Variants in CADM4 observed in about 807,000 individuals in gnomAD.
CADM4 encodes cell adhesion molecule 4.
Under a neutral mutation model 43.9 loss-of-function variants are expected in CADM4, and 13 were observed. The observed-to-expected ratio is 0.30, with a 90% CI of 0.19 to 0.47. The LOEUF is 0.47. CADM4 is among the 20% of genes least tolerant of loss of function. CADM4 has a pLI of 1.00. For missense variants in CADM4, 420 were observed against 527.0 expected (o/e 0.80, Z 1.99); for synonymous variants, 209 against 220.9 (o/e 0.95, Z 0.48).
At chr19:43,628,434 CA>C (rs35900635) in intron 1 of CADM4, among the ~76,000 whole-genome samples, 56 of 134,488 alleles carry the variant, frequency 4.2e-4, no homozygotes, top group Non-Finnish European at 3.2e-4. Context: ...GACTCTGTCT[CA>C]AAAAAAAAAA....
chr19:43,622,464 T>A lies in CADM4; in HGVS notation c.*866A>T, dbSNP rs1287224053. 2 of 152,196 alleles carry A rather than the reference T, an allele frequency of 1.3e-5. No homozygotes were observed. The highest frequency in any genetic ancestry group is 2.4e-5 in the African/African-American group (1 of 41,406). The allele number at this position is 152,196 out of a possible 1,614,324, so 9.4% of individuals were successfully genotyped here. A position where few individuals can be genotyped will look rare whatever the true frequency, so the allele number is the denominator to read the frequency against. On this transcript the variant is annotated 3_prime_UTR_variant, in exon 9 of 9. Coordinates refer to ENST00000222374, the MANE Select transcript of CADM4 (RefSeq NM_145296.2). ...TACAAAATGTGTGTGTGGTTTTTTG[T>A]TTTTTGTTTTTTGTTTTTTAACAAG...
At chr19:43,629,269 T>C (rs967622557) in intron 1 of CADM4, among the ~76,000 whole-genome samples, 7 of 152,014 alleles carry the variant, frequency 4.6e-5, no homozygotes, top group Non-Finnish European at 1.5e-5. Flanking sequence ...TAACTGACTG[T>C]CCCCCATGAC....
At chr19:43,635,092 G>A (rs903222828) in intron 1 of CADM4, among the ~76,000 whole-genome samples, 2 of 149,216 alleles carry the variant, frequency 1.3e-5, no homozygotes, top group African/African-American at 4.9e-5. Flanking sequence ...AGGAGCCAGG[G>A]GTCCAGAGTA....
Position 43,627,261 on chromosome 19 carries a change from C to T in CADM4, c.269G>A (p.Arg90Gln), listed in dbSNP as rs146550315. Reference protein sequence around the residue: ...EEFSPRRVRIRLSDARLEDEG... With the variant: ...EEFSPRRVRIQLSDARLEDEG... Reference sequence around the variant, plus strand: ...GTCCTCCAGGCGGGCATCTGAGAGCCGGATCCGCACCCGGCGTGGGGAGAA... The same window carrying T: ...GTCCTCCAGGCGGGCATCTGAGAGCTGGATCCGCACCCGGCGTGGGGAGAA... Residue 90 changes from arginine (R) to glutamine (Q), a missense_variant, in exon 3 of 9, where the codon CGG (arginine) becomes CAG (glutamine). By Grantham distance (43) the Arg-to-Gln change is conservative (BLOSUM62 1). Transcript: ENST00000222374. The surrounding 1 kb of genome is among the most constrained non-coding windows in gnomAD (Gnocchi z 4.0). 2.5e-6 allele frequency: 4 copies of T among 1,612,224 alleles called. No individual in the cohort carries two copies. The highest frequency in any genetic ancestry group is 1.3e-5 in the African/African-American group (1 of 74,824).
Position 43,626,185 on chromosome 19 carries a change from C to A in CADM4, c.603G>T (p.Ala201=), listed in dbSNP as rs747322414. The stretch of plus-strand genomic sequence containing the variant: ...GTCCGGAGGGCAGCGCCTGGTTCTG[C>A]GCCTCACAGATGATGATACCACCGT... ...KDDGGIIICE[A]QNQALPSGHS... Residue 201 remains alanine, a synonymous_variant, in exon 5 of 9, where the codon GCG becomes GCT. Transcript: ENST00000222374. The surrounding 1 kb of genome is among the most constrained non-coding windows in gnomAD (Gnocchi z 5.9). 2.5e-6 allele frequency: 4 copies of A among 1,613,698 alleles called. No individual in the cohort carries two copies. The highest frequency in any genetic ancestry group is 3.3e-5 in the Admixed American group (2 of 59,972).
At chr19:43,631,827 T>C (rs1568542945) in intron 1 of CADM4, among the ~76,000 whole-genome samples, 1 of 152,218 alleles carries the variant, frequency 6.6e-6, no homozygotes, top group Non-Finnish European at 1.5e-5. Flanking sequence ...CTGGTGAAGA[T>C]GTGGAGCTGC....
chr19:43,638,801 T>A (rs1973734222), intron 1 of CADM4, among the ~76,000 whole-genome samples: 1 of 152,196 alleles, frequency 6.6e-6, no homozygotes, highest in African/African-American at 2.4e-5. Context: ...CATTCTCACT[T>A]CCCCACACAC....
At chr19:43,641,598 A>G (rs1434674073), upstream of CADM4, among the ~76,000 whole-genome samples, 1 of 151,980 alleles carries the variant, frequency 6.6e-6, no homozygotes, top group Non-Finnish European at 1.5e-5. Flanking sequence ...AGCTCCTATC[A>G]ACTCCTGTGT....
chr19:43,625,036 G>C lies in CADM4; in HGVS notation c.928+42C>G. On this transcript the variant is annotated intron_variant, in intron 7 of 8. Transcript: ENST00000222374. This position sits in a 1 kb window ranked among gnomAD's most constrained non-coding sequence, Gnocchi z 4.5. ...GCTCAAGCCCCGCCCCCGCCACCTG[G>C]CGCCCCGCCCCCGCCCTCAGTCGGC... is the stretch of plus-strand genomic sequence containing the variant. 3.5e-6 allele frequency: 5 copies of C among 1,419,980 alleles called. No homozygotes were observed. The highest frequency in any genetic ancestry group is 2.9e-5 in the South Asian group (2 of 68,506). 88.0% of individuals were successfully genotyped at this position (1,419,980 alleles called of 1,614,324 possible).
intron 7 of CADM4, among the ~76,000 whole-genome samples, 165 bp from the exon 8 acceptor site, chr19:43,624,407 TG>T (rs1555776339): frequency 6.6e-6 from 1 of 152,224 alleles, no homozygotes; most frequent in Non-Finnish European, 1.5e-5. Context: ...TCTTTCCAGA[TG>T]CTTGTTGGTT....
chr19:43,631,170 G>A (rs904125583), intron 1 of CADM4, among the ~76,000 whole-genome samples: 1 of 151,924 alleles, frequency 6.6e-6, no homozygotes, highest in African/African-American at 2.4e-5. Context: ...GTGAAACCCC[G>A]TCTGTACTAA....
intron 1 of CADM4, among the ~76,000 whole-genome samples, chr19:43,628,205 C>T (rs1973560891): frequency 6.7e-6 from 1 of 150,270 alleles, no homozygotes; most frequent in Admixed American, 6.7e-5. Context: ...GTGGGCGGAT[C>T]GCAAGGTCAA....
chr19:43,627,609 C>A lies in CADM4; in HGVS notation c.211+35G>T. The A allele has an allele frequency of 6.3e-7, 1 of 1,595,324 alleles. No homozygotes were observed. ...GAGCCTGGGCCCCAGCCCTCTCTTC[C>A]TTTAAGACTCCTGAGTCTGGTCCCC... On this transcript the variant is annotated intron_variant, in intron 2 of 8. Transcript: ENST00000222374. The surrounding 1 kb of genome is among the most constrained non-coding windows in gnomAD (Gnocchi z 4.0).
intron 1 of CADM4, among the ~76,000 whole-genome samples, chr19:43,630,562 G>A (rs1210402596): frequency 1.3e-5 from 2 of 152,138 alleles, no homozygotes; most frequent in African/African-American, 4.8e-5. Context: ...GGGATTACAG[G>A]CTTGAGCTAT....
chr19:43,626,923 C>G lies in CADM4; in HGVS notation c.365-5G>C. The G allele has an allele frequency of 2.5e-6, 4 of 1,591,464 alleles. No individual in the cohort carries two copies. The highest frequency in any genetic ancestry group is 3.4e-6 in the Non-Finnish European group (4 of 1,169,992). ...CCACAGGATTCTCTGGGGCCACTGC[C>G]GCAGGGAGAAGGGAAGTAAGGGGTT... On this transcript the variant is annotated splice_region_variant and splice_polypyrimidine_tract_variant and intron_variant, in intron 3 of 8. Coordinates refer to ENST00000222374, the MANE Select transcript of CADM4 (RefSeq NM_145296.2). This position sits in a 1 kb window ranked among gnomAD's most constrained non-coding sequence, Gnocchi z 5.9.
chr19:43,639,319 G>A lies in CADM4; in HGVS notation c.64+408C>T, dbSNP rs993401651. 2.0e-5 allele frequency among the ~76,000 whole-genome samples: 3 copies of A among 150,986 alleles called. No homozygotes were observed. In the East Asian group the frequency reaches 5.9e-4, roughly 30 times the overall value. ...AAGAGAGGGAGACAGACAGAAGGAG[G>A]GACAGGACTTCGAGACTGAGGGATA... is the stretch of plus-strand genomic sequence containing the variant. On this transcript the variant is annotated intron_variant, in intron 1 of 8. Coordinates refer to ENST00000222374, the MANE Select transcript of CADM4 (RefSeq NM_145296.2).
At position 43,625,188 on chromosome 19, in the gene CADM4, C is replaced by T; in HGVS notation, c.818G>A (p.Gly273Glu). The change falls in exon 7 of 9, where the codon GGA (glycine) becomes GAA (glutamate). Residue 273 changes from glycine to glutamate, a missense_variant. Gly to Glu is a moderately conservative substitution (Grantham distance 98). Transcript: ENST00000222374. The surrounding 1 kb of genome is among the most constrained non-coding windows in gnomAD (Gnocchi z 4.5). ...CAGACCCGGCAGCGTGAGCGTCTCT[C>T]CCACGGCCTCCGCCCTCTCCGGCAA... ...ESLPERAEAV[G>E]ETLTLPGLVS... 6.2e-7 allele frequency: 1 copy of T among 1,614,256 alleles called. No individual in the cohort carries two copies. Among genetic ancestry groups the T allele is most frequent in the Non-Finnish European group, 8.5e-7 (1 of 1,180,044 alleles).
Position 43,622,502 on chromosome 19 carries a change from A to G in CADM4, c.*828T>C, listed in dbSNP as rs1848323523. The G allele has an allele frequency of 6.6e-6, 1 of 152,268 alleles. No homozygotes were observed. Among genetic ancestry groups the G allele is most frequent in the Admixed American group, 6.6e-5 (1 of 15,266 alleles). 9.4% of individuals were successfully genotyped at this position (152,268 alleles called of 1,614,324 possible). On this transcript the variant is annotated 3_prime_UTR_variant, in exon 9 of 9. Coordinates refer to ENST00000222374, the MANE Select transcript of CADM4 (RefSeq NM_145296.2). ...GTTTTTTAACAAGAAAAAGGGGGCA[A>G]AAGCCAGGAATGGGGAGAGGGGGGT... is the stretch of plus-strand genomic sequence containing the variant.
intron 1 of CADM4, among the ~76,000 whole-genome samples, chr19:43,639,173 T>G (rs1277078204): frequency 6.9e-6 from 1 of 145,416 alleles, no homozygotes; most frequent in Admixed American, 6.8e-5. Context: ...AGGGCAGAAA[T>G]CCGGGGGAAA....
Sources: allele counts gnomAD v4.1 joint callset (sites outside exome capture counted in the v4.1 genomes callset), GRCh38; gene constraint gnomAD v4.1.1; non-coding constraint Gnocchi (gnomAD v3.1); transcripts MANE v1.5; gene names NCBI Gene and HGNC (gene_info 2026-07-23, HGNC 2026-07-21).